PPP2R2D: variants seen among roughly 807,000 people sequenced by gnomAD.
The protein encoded by PPP2R2D is protein phosphatase 2 regulatory subunit Bdelta, also known as serine/threonine-protein phosphatase 2A 55 kDa regulatory subunit B delta isoform.
Under a neutral mutation model 31.1 loss-of-function variants are expected in PPP2R2D, and 9 were observed. That is an observed-to-expected ratio of 0.29 (90% CI 0.17 to 0.51). The LOEUF (loss-of-function observed/expected upper bound fraction) is 0.51, where lower values mean the gene tolerates loss of function less well. Among genes scored for constraint, PPP2R2D ranks in the 20% least tolerant of loss-of-function variants. The probability of loss-of-function intolerance (pLI) is 0.98; values close to 1 mark genes in which losing one functional copy is unlikely to be tolerated. For missense variants in PPP2R2D, 391 were observed against 465.6 expected (o/e 0.84, Z 1.48); for synonymous variants, 179 against 172.6 (o/e 1.04, Z -0.29).
Position 131,956,135 on chromosome 10 carries a change from G to A in PPP2R2D, c.*172G>A, listed in dbSNP as rs545232774. 1.8e-5 allele frequency: 23 copies of A among 1,249,618 alleles called. No homozygotes were observed. Among genetic ancestry groups the A allele is most frequent in the African/African-American group, 1.5e-4 (10 of 65,004 alleles). The allele number at this position is 1,249,618 out of a possible 1,614,324, so 77.4% of individuals were successfully genotyped here. On this transcript the variant is annotated 3_prime_UTR_variant, in exon 9 of 9. Coordinates refer to ENST00000455566, the MANE Select transcript of PPP2R2D (RefSeq NM_018461.5). ...TGGAGGCCCGGTGTGGTTCCGCCTC[G>A]GCGAGGCGCGAGACAGGCGCTGCTG...
At position 131,947,262 on chromosome 10, in the gene PPP2R2D, T is replaced by C. The variant is rs2036559919; in HGVS notation, c.821-268T>C. On this transcript the variant is annotated intron_variant, in intron 7 of 8. Coordinates refer to ENST00000455566, the MANE Select transcript of PPP2R2D (RefSeq NM_018461.5). This position sits in a 1 kb window ranked among gnomAD's most constrained non-coding sequence, Gnocchi z 4.3. The stretch of plus-strand genomic sequence containing the variant: ...CCAGGACCTTGCCTAGAGATTCTCA[T>C]TCAGGGTCCGGGTGAGACTTGGGCG... Among the ~76,000 whole-genome samples, 1 of 152,186 alleles carries C rather than the reference T, an allele frequency of 6.6e-6. No homozygotes were observed. Among genetic ancestry groups the C allele is most frequent in the African/African-American group, 2.4e-5 (1 of 41,448 alleles).
rs1343587827 is a variant in PPP2R2D, at chr10:131,945,947, AT to A, written c.820+489del. The stretch of plus-strand genomic sequence containing the variant: ...TCGAGGTCATGCTTCCCACAGGCTT[AT>A]GGCTGTAGGGTGAGTGTGCTTTTGG... On this transcript the variant is annotated intron_variant, in intron 7 of 8. Transcript: ENST00000455566. This position sits in a 1 kb window ranked among gnomAD's most constrained non-coding sequence, Gnocchi z 4.8. The A allele has an allele frequency of 6.4e-6, 1 of 155,566 alleles. No homozygotes were observed. Among genetic ancestry groups the A allele is most frequent in the African/African-American group, 2.4e-5 (1 of 41,338 alleles). 9.6% of individuals were successfully genotyped at this position (155,566 alleles called of 1,614,324 possible).
At chr10:131,950,397 G>A (rs1470027404) in intron 8 of PPP2R2D, among the ~76,000 whole-genome samples, 1 of 151,978 alleles carries the variant, frequency 6.6e-6, no homozygotes, top group African/African-American at 2.4e-5. Flanking sequence ...TATCTTAAAT[G>A]CACCCAAGGA....
At position 131,948,487 on chromosome 10, in the gene PPP2R2D, C is replaced by T. The variant is rs1309609019; in HGVS notation, c.1082+696C>T. On this transcript the variant is annotated intron_variant, in intron 8 of 8. Coordinates refer to ENST00000455566, the MANE Select transcript of PPP2R2D (RefSeq NM_018461.5). Reference sequence around the variant, plus strand: ...TTGACTGGATATTCTGCAAAACCCTCTGGCATAAACACCTAGAAATGCTGG... The same window carrying T: ...TTGACTGGATATTCTGCAAAACCCTTTGGCATAAACACCTAGAAATGCTGG... Among the ~76,000 whole-genome samples the T allele has an allele frequency of 5.3e-5, 8 of 152,250 alleles. No individual in the cohort carries two copies. In the East Asian group the frequency reaches 1.5e-3, roughly 29 times the overall value.
chr10:131,904,609 T>G (rs1263659605), intron 2 of PPP2R2D, among the ~76,000 whole-genome samples: 1 of 152,212 alleles, frequency 6.6e-6, no homozygotes. Flanking sequence ...TTGTTTAGAT[T>G]TGTGGCTTGT....
chr10:131,963,582 C>T (rs1317382807), downstream of PPP2R2D, among the ~76,000 whole-genome samples: 8 of 152,260 alleles, frequency 5.3e-5, no homozygotes, highest in Admixed American at 5.2e-4. Flanking sequence ...TCCGTGGAGC[C>T]TCACTGGCTG....
downstream of PPP2R2D, among the ~76,000 whole-genome samples, chr10:131,964,552 C>A (rs760048180): frequency 6.6e-6 from 1 of 152,110 alleles, no homozygotes; most frequent in Non-Finnish European, 1.5e-5. Flanking sequence ...TTGTGACTGT[C>A]CAGCAGTGGG....
intron 2 of PPP2R2D, among the ~76,000 whole-genome samples, chr10:131,914,724 C>T (rs934352894): frequency 2.0e-5 from 3 of 152,250 alleles, no homozygotes; most frequent in East Asian, 1.9e-4. Context: ...TGACCCCAGG[C>T]GAAGCTGAGT....
chr10:131,945,321 A>G lies in PPP2R2D; in HGVS notation c.682A>G (p.Met228Val). The change falls in exon 7 of 9, where the codon ATG becomes GTG. Residue 228 changes from methionine (M) to valine (V), a missense_variant. By Grantham distance (21) the Met-to-Val change is conservative (BLOSUM62 1). Around this residue, in one of 3 missense-constraint regions of PPP2R2D, gnomAD observed 123 missense variants for 187.7 expected, o/e 0.66. Coordinates refer to ENST00000455566, the MANE Select transcript of PPP2R2D (RefSeq NM_018461.5). This position sits in a 1 kb window ranked among gnomAD's most constrained non-coding sequence, Gnocchi z 4.8. ...CATCGTGGACATCAAGCCTGCTAAC[A>G]TGGAGGAGCTGACCGAAGTCATCAC... ...FNIVDIKPAN[M>V]EELTEVITAA... 5 of 1,614,124 alleles carry G rather than the reference A, an allele frequency of 3.1e-6. No individual in the cohort carries two copies. The highest frequency in any genetic ancestry group is 4.2e-6 in the Non-Finnish European group (5 of 1,179,982).
In PPP2R2D at chr10:131,945,269, A is replaced by T. The variant is rs1554897802; in HGVS notation, c.656-26A>T. ...TAATTAACAACCAGCTGAGCTGAGC[A>T]CTGTGCCTTAACCATGCACTCCCAG... On this transcript the variant is annotated intron_variant, in intron 6 of 8. Transcript: ENST00000455566. This position sits in a 1 kb window ranked among gnomAD's most constrained non-coding sequence, Gnocchi z 4.8. 4 of 1,603,084 alleles carry T rather than the reference A, an allele frequency of 2.5e-6. No individual in the cohort carries two copies. The South Asian group carries it at 3.4e-5, about 13-fold the overall frequency.
At chr10:131,912,070 ATTT>A (rs2119744863) in intron 2 of PPP2R2D, 1 of 152,260 alleles carries the variant, frequency 6.6e-6, no homozygotes, top group Non-Finnish European at 1.5e-5. Context: ...ATTTATTTAT[ATTT>A]TAAAACCTAG....
chr10:131,971,361 G>A, the PPP2R2D span: 1 of 247,306 alleles, frequency 4.0e-6, no homozygotes, highest in Non-Finnish European at 7.9e-6. Flanking sequence ...AGCCGAAAAC[G>A]GCTCAAAACA....
At chr10:131,952,130 G>A (rs2036648531) in intron 8 of PPP2R2D, among the ~76,000 whole-genome samples, 1 of 135,606 alleles carries the variant, frequency 7.4e-6, no homozygotes, top group African/African-American at 2.8e-5. Flanking sequence ...GTGACTTGCG[G>A]GTGTGCGGGG....
chr10:131,947,894 G>A lies in PPP2R2D; in HGVS notation c.1082+103G>A, dbSNP rs1463710033. The A allele has an allele frequency of 3.5e-6, 5 of 1,411,462 alleles. No homozygotes were observed. The highest frequency in any genetic ancestry group is 1.4e-5 in the African/African-American group (1 of 70,096). 87.4% of individuals were successfully genotyped at this position (1,411,462 alleles called of 1,614,324 possible). A position where few individuals can be genotyped will look rare whatever the true frequency, so the allele number is the denominator to read the frequency against. On this transcript the variant is annotated intron_variant, in intron 8 of 8. Coordinates refer to ENST00000455566, the MANE Select transcript of PPP2R2D (RefSeq NM_018461.5). The surrounding 1 kb of genome is among the most constrained non-coding windows in gnomAD (Gnocchi z 4.3). ...CTGTCCTCCAGCGTCAGAGGAGGAC[G>A]CTCATAGGGTGTTGTTTTCCAGACC...
rs1554897102 is a variant in PPP2R2D at position 131,940,650 on chromosome 10, G to A, written c.433G>A (p.Glu145Lys). ...KRAEGYNLKD[E>K]DGRLRDPFRI... ...AGCAGAAGGTTATAACCTGAAAGACGAAGATGGAAGACTTCGAGACCCATT... is the reference window on the plus strand; with the variant it reads ...AGCAGAAGGTTATAACCTGAAAGACAAAGATGGAAGACTTCGAGACCCATT... The change falls in exon 5 of 9, where the codon GAA becomes AAA. Residue 145 changes from glutamate to lysine, a missense_variant. Transcript: ENST00000455566. 6.4e-6 allele frequency: 5 copies of A among 778,672 alleles called. No individual in the cohort carries two copies. Among genetic ancestry groups the A allele is most frequent in the Admixed American group, 1.7e-5 (1 of 58,836 alleles). The allele number at this position is 778,672 out of a possible 1,614,324, so 48.2% of individuals were successfully genotyped here.
At position 131,917,666 on chromosome 10, in the gene PPP2R2D, CAT is replaced by C. The variant is rs527392502; in HGVS notation, c.100+16337_100+16338del. Among the ~76,000 whole-genome samples the C allele has an allele frequency of 2.2e-3, 256 of 118,358 alleles. 2 individuals carry two copies. The highest frequency in any genetic ancestry group is 2.8e-3 in the Non-Finnish European group (166 of 58,822). 77.6% of individuals were successfully genotyped at this position (118,358 alleles called of 152,430 possible). ...GTGGAATGACACAGTGTAGGGACCT[CAT>C]GTGGGTGGAATGACAGTGTAGGGAC... On this transcript the variant is annotated intron_variant, in intron 2 of 8. Transcript: ENST00000455566.
chr10:131,942,514 G>A (rs1554897365), intron 5 of PPP2R2D, among the ~76,000 whole-genome samples: 1 of 152,144 alleles, frequency 6.6e-6, no homozygotes, highest in Admixed American at 6.5e-5. Context: ...CAGACATGTT[G>A]CTGTTTTTAA....
intron 2 of PPP2R2D, among the ~76,000 whole-genome samples, chr10:131,915,824 A>G (rs138434358): frequency 2.0e-5 from 3 of 152,346 alleles, no homozygotes; most frequent in East Asian, 3.9e-4. Context: ...ATATTAGATA[A>G]TCGTTGAAGT....
downstream of PPP2R2D, among the ~76,000 whole-genome samples, chr10:131,964,666 GTT>G (rs60096905): frequency 7.5e-3 from 997 of 133,776 alleles, 8 homozygotes; most frequent in African/African-American, 0.024. Flanking sequence ...AGTTTACTAT[GTT>G]TTTTTTTTTT....
Sources: gnomAD v4.1 joint callset for allele counts (sites outside exome capture counted in the v4.1 genomes callset) on GRCh38, gnomAD v4.1.1 for gene constraint, gnomAD v4.1.1 regional missense constraint, Gnocchi (gnomAD v3.1) non-coding constraint, MANE v1.5 for transcripts, NCBI Gene and HGNC (gene_info 2026-07-23, HGNC 2026-07-21) for gene names.